Variants in RAB27A observed in about 807,000 individuals in gnomAD.
The protein encoded by RAB27A is ras-related protein Rab-27A.
Under a neutral mutation model 20.8 loss-of-function variants are expected in RAB27A, and 17 were observed. That is an observed-to-expected ratio of 0.82 (90% CI 0.56 to 1.23). The LOEUF is 1.23. Ranked by LOEUF, RAB27A falls within the 50% of genes most tolerant of loss-of-function variation. RAB27A has a pLI of 0.00. For missense variants in RAB27A, 277 were observed against 266.7 expected (o/e 1.04, Z -0.27); for synonymous variants, 85 against 92.8 (o/e 0.92, Z 0.48).
intron 2 of RAB27A, among the ~76,000 whole-genome samples, chr15:55,269,242 T>A (rs1402356482): frequency 6.6e-6 from 1 of 152,218 alleles, no homozygotes; most frequent in African/African-American, 2.4e-5. Flanking sequence ...AGAAGTAGAA[T>A]TATATAATGA....
chr15:55,243,100 C>T lies in RAB27A; in HGVS notation c.-22-8144G>A, dbSNP rs916043042. The stretch of plus-strand genomic sequence containing the variant: ...GATCTGTACTTCTGTGCTCAGAGTC[C>T]CTCTATCAAGAAGCCCTTCATCCTG... On this transcript the variant is annotated intron_variant, in intron 2 of 6. Transcript: ENST00000336787. 4.6e-5 allele frequency among the ~76,000 whole-genome samples: 7 copies of T among 152,176 alleles called. No individual in the cohort carries two copies. The South Asian group carries it at 1.2e-3, about 27-fold the overall frequency.
chr15:55,282,676 G>A (rs976451869), intron 1 of RAB27A, among the ~76,000 whole-genome samples: 2 of 152,274 alleles, frequency 1.3e-5, no homozygotes, highest in African/African-American at 4.8e-5. Flanking sequence ...TAACCCTTCA[G>A]GTACACGATC....
intron 2 of RAB27A, among the ~76,000 whole-genome samples, chr15:55,258,760 T>A (rs1231128437): frequency 1.3e-5 from 2 of 152,222 alleles, no homozygotes; most frequent in Non-Finnish European, 2.9e-5. Context: ...CATCTTTTAT[T>A]AGTTTCTTGG....
At chr15:55,316,720 A>C (rs1338800298) in intron 1 of RAB27A, among the ~76,000 whole-genome samples, 1 of 152,216 alleles carries the variant, frequency 6.6e-6, no homozygotes, top group Non-Finnish European at 1.5e-5. Flanking sequence ...CTCCCTTAAC[A>C]CAATTATTAA....
intron 2 of RAB27A, among the ~76,000 whole-genome samples, chr15:55,268,001 C>T (rs1002929661): frequency 2.0e-4 from 30 of 152,136 alleles, no homozygotes; most frequent in Non-Finnish European, 3.7e-4. Context: ...ACCTCTGTGA[C>T]TTAACTATTT....
At chr15:55,283,920 C>A (rs1002933949) in intron 1 of RAB27A, among the ~76,000 whole-genome samples, 5 of 152,140 alleles carry the variant, frequency 3.3e-5, no homozygotes. Flanking sequence ...TAGCCATACC[C>A]TGATAGGACT....
rs1014023546 is a variant in RAB27A at position 55,228,664 on chromosome 15, A to T, written c.288T>A (p.Leu96=). The change falls in exon 5 of 7, where the codon CTT becomes CTA. Residue 96 remains leucine (L), a synonymous_variant. Transcript: ENST00000336787. The part of the protein sequence containing the change: ...TAFFRDAMGF[L]LLFDLTNEQS... ...GCTCATTTGTCAGATCAAAAAGTAGAAGAAAACCCATAGCATCTCTGAAGA... is the reference window on the plus strand; with the variant it reads ...GCTCATTTGTCAGATCAAAAAGTAGTAGAAAACCCATAGCATCTCTGAAGA... 1 of 1,613,776 alleles carries T rather than the reference A, an allele frequency of 6.2e-7. No homozygotes were observed. The highest frequency in any genetic ancestry group is 1.3e-5 in the African/African-American group (1 of 74,924).
chr15:55,245,420 G>A (rs1195469195), intron 2 of RAB27A, among the ~76,000 whole-genome samples: 1 of 152,132 alleles, frequency 6.6e-6, no homozygotes, highest in Non-Finnish European at 1.5e-5. Context: ...AAAAGTAGAA[G>A]GAAACAGGAA....
chr15:55,271,768 T>C (rs1897714853), intron 1 of RAB27A, among the ~76,000 whole-genome samples: 1 of 152,130 alleles, frequency 6.6e-6, no homozygotes, highest in African/African-American at 2.4e-5. Context: ...AATCTATCCC[T>C]TGCCTCTAGG....
intron 2 of RAB27A, among the ~76,000 whole-genome samples, chr15:55,253,584 T>C (rs898031709): frequency 6.6e-6 from 1 of 152,304 alleles, no homozygotes; most frequent in African/African-American, 2.4e-5. Flanking sequence ...CTTGTCTCTG[T>C]CCTCAGCTAA....
chr15:55,274,797 TATATATA>T (rs1566932789), intron 1 of RAB27A, among the ~76,000 whole-genome samples: 17 of 83,730 alleles, frequency 2.0e-4, no homozygotes, highest in Non-Finnish European at 3.4e-4. Flanking sequence ...AAATAAATTA[TATATATA>T]TATATATATA....
upstream of RAB27A, among the ~76,000 whole-genome samples, chr15:55,293,702 G>A (rs1566938979): frequency 6.6e-6 from 1 of 152,074 alleles, no homozygotes; most frequent in Admixed American, 6.6e-5. Flanking sequence ...TGGATTACCT[G>A]AGGTCAGGAG....
rs570903950 is a variant in RAB27A, at chr15:55,253,444, C to G, written c.-23+16721G>C. Among the ~76,000 whole-genome samples the G allele has an allele frequency of 2.0e-3, 260 of 130,392 alleles. 1 individual carries two copies. Among genetic ancestry groups the G allele is most frequent in the African/African-American group, 6.4e-3 (246 of 38,616 alleles). 85.5% of individuals were successfully genotyped at this position (130,392 alleles called of 152,430 possible). A position where few individuals can be genotyped will look rare whatever the true frequency, so the allele number is the denominator to read the frequency against. ...CCTGGGTGACAGAGCGAGACTCCGTCTCAAAGGAAAAAAAAAAAGAAAGGC... is the reference window on the plus strand; with the variant it reads ...CCTGGGTGACAGAGCGAGACTCCGTGTCAAAGGAAAAAAAAAAAGAAAGGC... On this transcript the variant is annotated intron_variant, in intron 2 of 6. Transcript: ENST00000336787.
At chr15:55,303,747 A>C (rs1333423902) in intron 2 of RAB27A, among the ~76,000 whole-genome samples, 1 of 128,430 alleles carries the variant, frequency 7.8e-6, no homozygotes, top group South Asian at 2.7e-4. Flanking sequence ...GGAAGTGAGG[A>C]GCCCCTCTGC....
At chr15:55,283,532 C>G (rs1392274045) in intron 1 of RAB27A, among the ~76,000 whole-genome samples, 1 of 152,090 alleles carries the variant, frequency 6.6e-6, no homozygotes, top group Non-Finnish European at 1.5e-5. Flanking sequence ...GACCTTGTCC[C>G]TAATGAGAAA....
In RAB27A at chr15:55,313,478, C is replaced by G. The variant is rs142408054; in HGVS notation, c.-112+561G>C. ...AAGGTACTGAATAAATCCATTTATA[C>G]AACAATAATTTTCACTTTTCACTTT... On this transcript the variant is annotated intron_variant, in intron 2 of 5. Coordinates refer to the RAB27A transcript ENST00000563262. 3.0e-3 allele frequency among the ~76,000 whole-genome samples: 459 copies of G among 152,246 alleles called. 3 individuals are homozygous for G. Among genetic ancestry groups the G allele is most frequent in the African/African-American group, 0.01 (430 of 41,550 alleles).
At chr15:55,250,055 C>A (rs113298173) in intron 2 of RAB27A, among the ~76,000 whole-genome samples, 2 of 151,964 alleles carry the variant, frequency 1.3e-5, no homozygotes, top group African/African-American at 4.8e-5. Flanking sequence ...CACCACCTCC[C>A]GGGTTTAAGC....
intron 2 of RAB27A, among the ~76,000 whole-genome samples, chr15:55,249,476 C>T (rs4545743): frequency 6.6e-6 from 1 of 152,104 alleles, no homozygotes; most frequent in African/African-American, 2.4e-5. Context: ...CAAGGTGTCA[C>T]TATGTTGCTG....
At chr15:55,235,078 A>G in intron 2 of RAB27A, 122 bp from the exon 3 acceptor site, 1 of 786,874 alleles carries the variant, frequency 1.3e-6, no homozygotes, top group Non-Finnish European at 2.1e-6. Flanking sequence ...TACGGGTTGT[A>G]TGAAAAGAGA....
Sources: gnomAD v4.1 joint callset for allele counts (sites outside exome capture counted in the v4.1 genomes callset) on GRCh38, gnomAD v4.1.1 for gene constraint, MANE v1.5 for transcripts, NCBI Gene and HGNC (gene_info 2026-07-23, HGNC 2026-07-21) for gene names.